The following VGLL4 variants were observed in gnomAD, a reference collection of about 807,000 sequenced individuals.
VGLL4 encodes the protein transcription cofactor vestigial-like protein 4.
Under a neutral mutation model 21.0 loss-of-function variants are expected in VGLL4, and 7 were observed. The ratio of observed to expected loss-of-function variants is 0.33; its 90% confidence interval spans 0.19 to 0.63. The LOEUF (loss-of-function observed/expected upper bound fraction) is 0.63. Ranked by LOEUF, VGLL4 falls within the 20% of genes least tolerant of loss-of-function variation. The probability of loss-of-function intolerance (pLI) is 0.78; values close to 1 mark genes in which losing one functional copy is unlikely to be tolerated. For synonymous variants in VGLL4, 222 were observed against 173.2 expected (o/e 1.28, Z -2.21); for missense variants, 394 against 425.7 (o/e 0.93, Z 0.66).
intron 2 of VGLL4, among the ~76,000 whole-genome samples, chr3:11,586,452 C>T (rs943284487): frequency 1.3e-5 from 2 of 152,210 alleles, no homozygotes; most frequent in Non-Finnish European, 2.9e-5. Context: ...ACACTGCCCT[C>T]CATATCCTCA....
chr3:11,718,065 T>C (rs913077600), intron 1 of VGLL4, among the ~76,000 whole-genome samples: 2 of 152,230 alleles, frequency 1.3e-5, no homozygotes, highest in Non-Finnish European at 2.9e-5. Flanking sequence ...CTTAATTGTA[T>C]TGTGTTTTGG....
intron 2 of VGLL4, among the ~76,000 whole-genome samples, chr3:11,595,214 C>A (rs1381883363): frequency 6.6e-6 from 1 of 152,270 alleles, no homozygotes; most frequent in African/African-American, 2.4e-5. Flanking sequence ...GAAGTGAGTA[C>A]ACACAGTAGG....
chr3:11,556,467 C>A lies in VGLL4; in HGVS notation c.*2089G>T, dbSNP rs774018935. The A allele has an allele frequency of 6.5e-6, 1 of 152,704 alleles. No individual in the cohort carries two copies. The highest frequency in any genetic ancestry group is 1.5e-5 in the Non-Finnish European group (1 of 68,040). The allele number at this position is 152,704 out of a possible 1,614,324, so 9.5% of individuals were successfully genotyped here. A position where few individuals can be genotyped will look rare whatever the true frequency, so the allele number is the denominator to read the frequency against. Reference sequence around the variant, plus strand: ...GTCCCAGGAGTGTCCTCCACCGAGCCGGTCAGCTGTGGGTGGTTTTCCTGT... The same window carrying A: ...GTCCCAGGAGTGTCCTCCACCGAGCAGGTCAGCTGTGGGTGGTTTTCCTGT... On this transcript the variant is annotated 3_prime_UTR_variant, in exon 5 of 5. Transcript: ENST00000430365.
At chr3:11,563,331 C>G (rs1157655515) in intron 3 of VGLL4, among the ~76,000 whole-genome samples, 1 of 152,244 alleles carries the variant, frequency 6.6e-6, no homozygotes, top group Non-Finnish European at 1.5e-5. Context: ...CAGGCCATGG[C>G]TCATGGCAGC....
chr3:11,593,297 C>T (rs116566138), intron 2 of VGLL4, among the ~76,000 whole-genome samples: 3,490 of 152,172 alleles, frequency 0.023, 141 homozygotes, highest in African/African-American at 0.08. Context: ...ATCCAGATAC[C>T]AAAAACTACA....
In VGLL4 at chr3:11,643,602, C is replaced by T; in HGVS notation, c.-84G>A. 6.3e-7 allele frequency: 1 copy of T among 1,595,410 alleles called. No individual in the cohort carries two copies. Among genetic ancestry groups the T allele is most frequent in the South Asian group, 1.1e-5 (1 of 89,710 alleles). On this transcript the variant is annotated 5_prime_UTR_variant, in exon 1 of 5. Coordinates refer to ENST00000430365, the MANE Select transcript of VGLL4 (RefSeq NM_001128219.3). The stretch of plus-strand genomic sequence containing the variant: ...AAAAATCAATTGTTGCTGAGTAGCT[C>T]CTGGCTCTTCAACTTCACAAAGGCA...
intron 2 of VGLL4, among the ~76,000 whole-genome samples, chr3:11,689,345 T>A (rs1467915526): frequency 6.6e-6 from 1 of 152,216 alleles, no homozygotes; most frequent in Non-Finnish European, 1.5e-5. Flanking sequence ...TATCTCTGAC[T>A]TTTTGATCGT....
intron 2 of VGLL4, among the ~76,000 whole-genome samples, chr3:11,593,385 C>G (rs2074551610): frequency 6.6e-6 from 1 of 152,166 alleles, no homozygotes; most frequent in Non-Finnish European, 1.5e-5. Context: ...GGGAAAACCC[C>G]CAATCCCATT....
intron 2 of VGLL4, among the ~76,000 whole-genome samples, chr3:11,676,413 A>ATAATAATAAT (rs1553742911): frequency 6.8e-4 from 32 of 46,910 alleles, no homozygotes; most frequent in African/African-American, 1.5e-3. Context: ...AAAAAAAATA[A>ATAATAATAAT]AATAATAATA....
At chr3:11,592,741 T>A (rs1489300837) in intron 2 of VGLL4, among the ~76,000 whole-genome samples, 2 of 152,178 alleles carry the variant, frequency 1.3e-5, no homozygotes, top group Non-Finnish European at 2.9e-5. Context: ...GCTCTGGTAC[T>A]TACCAGAGTG....
Position 11,706,098 on chromosome 3 carries a change from AT to A in VGLL4, c.-13-3052del, listed in dbSNP as rs1575548814. ...TAGATTAATACATACCTTAGGTTATATAAAGTATGCACAGAAACAAAATATC... is the reference window on the plus strand; with the variant it reads ...TAGATTAATACATACCTTAGGTTATAAAAGTATGCACAGAAACAAAATATC... On this transcript the variant is annotated intron_variant, in intron 1 of 5. Coordinates refer to the VGLL4 transcript ENST00000273038. Among the ~76,000 whole-genome samples, 3 of 152,256 alleles carry A rather than the reference AT, an allele frequency of 2.0e-5. No individual in the cohort carries two copies. The East Asian group carries it at 5.8e-4, about 29-fold the overall frequency.
intron 1 of VGLL4, chr3:11,626,238 T>C (rs2075349973): frequency 2.4e-6 from 1 of 410,542 alleles, no homozygotes; most frequent in Admixed American, 2.8e-5. Context: ...GGTAACCAAA[T>C]ACGGAAGCTG....
At chr3:11,639,971 C>T (rs1342488558) in intron 1 of VGLL4, among the ~76,000 whole-genome samples, 1 of 152,148 alleles carries the variant, frequency 6.6e-6, no homozygotes, top group Non-Finnish European at 1.5e-5. Flanking sequence ...CTGCCACAAA[C>T]TTTCTAAATA....
At chr3:11,608,260 G>T (rs2074990090) in intron 1 of VGLL4, among the ~76,000 whole-genome samples, 2 of 152,104 alleles carry the variant, frequency 1.3e-5, no homozygotes. Flanking sequence ...GACAACTAAA[G>T]AAGTTTTATT....
chr3:11,704,090 A>C (rs1480922060), intron 1 of VGLL4, among the ~76,000 whole-genome samples: 2 of 150,716 alleles, frequency 1.3e-5, no homozygotes, highest in Non-Finnish European at 3.0e-5. Flanking sequence ...TTAAAATTAC[A>C]AAAAATTAGG....
chr3:11,584,359 AAC>A (rs1476865669), intron 2 of VGLL4, among the ~76,000 whole-genome samples: 1 of 152,074 alleles, frequency 6.6e-6, no homozygotes, highest in Non-Finnish European at 1.5e-5. Context: ...CAAACAAAAA[AAC>A]ACACAATAAC....
intron 2 of VGLL4, among the ~76,000 whole-genome samples, chr3:11,594,898 A>T (rs1038717998): frequency 6.6e-6 from 1 of 152,254 alleles, no homozygotes. Flanking sequence ...ACGGTGGCTC[A>T]CGCCAGTAAT....
chr3:11,576,698 G>A (rs1395958203), intron 2 of VGLL4, among the ~76,000 whole-genome samples: 1 of 152,210 alleles, frequency 6.6e-6, no homozygotes, highest in Non-Finnish European at 1.5e-5. Context: ...CAGACGTCCT[G>A]TTCTCCCTGC....
At chr3:11,573,253 A>G (rs533835286) in intron 2 of VGLL4, among the ~76,000 whole-genome samples, 167 of 4,348 alleles carry the variant, frequency 0.038, 10 homozygotes, top group African/African-American at 0.18. Context: ...TAGAGAAAGA[A>G]AGAAAGAAAG....
Sources: allele counts gnomAD v4.1 joint callset (sites outside exome capture counted in the v4.1 genomes callset), GRCh38; gene constraint gnomAD v4.1.1; transcripts MANE v1.5; gene names NCBI Gene and HGNC (gene_info 2026-07-23, HGNC 2026-07-21).